The following CLEC4C variants were observed in gnomAD, a reference collection of about 807,000 sequenced individuals.
CLEC4C encodes the protein C-type (calcium dependent, carbohydrate-recognition domain) lectin, superfamily member 11.
Under a neutral mutation model 27.7 loss-of-function variants are expected in CLEC4C, and 17 were observed. The observed-to-expected ratio is 0.61, with a 90% CI of 0.42 to 0.92. CLEC4C has a LOEUF of 0.92. Ranked by LOEUF, CLEC4C falls within the 40% of genes least tolerant of loss-of-function variation. The pLI is 0.00. For synonymous variants in CLEC4C, 80 were observed against 80.8 expected, an observed-to-expected ratio of 0.99 and a Z score of 0.06; for missense variants, 244 against 257.3, an observed-to-expected ratio of 0.95 and a Z score of 0.35.
chr12:7,748,124 G>C (rs1212111616), upstream of CLEC4C, among the ~76,000 whole-genome samples: 1 of 152,078 alleles, frequency 6.6e-6, no homozygotes, highest in Non-Finnish European at 1.5e-5. Context: ...GGAGATGTTT[G>C]GTTGAAGGAT....
Position 7,729,473 on chromosome 12 carries a change from C to T in CLEC4C, c.*123G>A, listed in dbSNP as rs184530419. ...ATTATATCATAAGTGTAATAGGTGA[C>T]AGCCTGCTGAAACATTTTAGGGGCA... On this transcript the variant is annotated 3_prime_UTR_variant, in exon 6 of 6. Transcript: ENST00000360345. 302 of 768,912 alleles carry T rather than the reference C, an allele frequency of 3.9e-4. 1 individual carries two copies. The African/African-American group carries it at 5.0e-3, about 13-fold the overall frequency. The allele number at this position is 768,912 out of a possible 1,614,324, so 47.6% of individuals were successfully genotyped here. A position where few individuals can be genotyped will look rare whatever the true frequency, so the allele number is the denominator to read the frequency against.
chr12:7,730,737 G>C, intron 5 of CLEC4C, 60 bp downstream of exon 5: 3 of 811,974 alleles, frequency 3.7e-6, no homozygotes, highest in Non-Finnish European at 4.2e-6. Context: ...ATAGCTGATG[G>C]AACACCCTAA....
chr12:7,748,888 A>G (rs1297371635), upstream of CLEC4C, among the ~76,000 whole-genome samples: 3 of 152,266 alleles, frequency 2.0e-5, no homozygotes, highest in Non-Finnish European at 4.4e-5. Flanking sequence ...ATGTAGGCCC[A>G]GCTCAGGTGA....
At chr12:7,735,813 A>G (rs1592091731) in intron 4 of CLEC4C, among the ~76,000 whole-genome samples, 1 of 152,264 alleles carries the variant, frequency 6.6e-6, no homozygotes, top group Non-Finnish European at 1.5e-5. Context: ...AAAAAAAGAA[A>G]AAAAAAGCAA....
intron 2 of CLEC4C, among the ~76,000 whole-genome samples, chr12:7,743,334 G>A (rs7134202): frequency 0.066 from 9,974 of 151,774 alleles, 439 homozygotes; most frequent in Non-Finnish European, 0.098. Flanking sequence ...TTCACTGGCA[G>A]GCACATAGAG....
chr12:7,746,407 C>A lies in CLEC4C; in HGVS notation c.48G>T (p.Trp16Cys). Residue 16 changes from tryptophan (W) to cysteine (C), a missense_variant, in exon 2 of 6, where the codon TGG becomes TGT. Coordinates refer to ENST00000360345, the MANE Select transcript of CLEC4C (RefSeq NM_001371390.1). Reference sequence around the variant, plus strand: ...CCATGGACCAGACCTTCAACTGGAACCACCAGAGTCCTTTCTCTGTCAGAT... The same window carrying A: ...CCATGGACCAGACCTTCAACTGGAAACACCAGAGTCCTTTCTCTGTCAGAT... Reference protein sequence around the residue: ...EPQDREKGLWWFQLKVWSMAV... With the variant: ...EPQDREKGLWCFQLKVWSMAV... 1 of 1,612,322 alleles carries A rather than the reference C, an allele frequency of 6.2e-7. No individual in the cohort carries two copies.
rs768997414 is a variant in CLEC4C at position 7,746,011 on chromosome 12, C to T, written c.124+320G>A. ...TGGGCGGATCACGAGGTCAGGAGAT[C>T]GAAACCACCCTGGCTAACACAGTGA... On this transcript the variant is annotated intron_variant, in intron 2 of 5. Coordinates refer to ENST00000360345, the MANE Select transcript of CLEC4C (RefSeq NM_001371390.1). Among the ~76,000 whole-genome samples, 19 of 151,526 alleles carry T rather than the reference C, an allele frequency of 1.3e-4. No homozygotes were observed. The South Asian group carries it at 2.9e-3, about 23-fold the overall frequency.
chr12:7,748,683 C>A (rs1321981388), upstream of CLEC4C, among the ~76,000 whole-genome samples: 6 of 152,178 alleles, frequency 3.9e-5, no homozygotes, highest in Non-Finnish European at 7.3e-5. Context: ...CCTCCCTCTG[C>A]CCCTGCCTCA....
At chr12:7,737,842 C>G (rs997236929) in intron 3 of CLEC4C, among the ~76,000 whole-genome samples, 4 of 152,046 alleles carry the variant, frequency 2.6e-5, no homozygotes, top group Non-Finnish European at 5.9e-5. Flanking sequence ...CTTAACTCTG[C>G]TACTGCAGTA....
rs1429594274 is a variant in CLEC4C at position 7,730,927 on chromosome 12, TG to T, written c.382-16del. ...ATGATGAAATCCTGAGGGAAGAAAA[TG>T]GAAGAGTCATAGCTGATAGAGCAGG... On this transcript the variant is annotated splice_polypyrimidine_tract_variant and intron_variant, in intron 4 of 5. Transcript: ENST00000360345. 7.4e-7 allele frequency: 1 copy of T among 1,353,546 alleles called. No individual in the cohort carries two copies. The highest frequency in any genetic ancestry group is 1.4e-5 in the African/African-American group (1 of 69,904). 83.8% of individuals were successfully genotyped at this position (1,353,546 alleles called of 1,614,324 possible).
chr12:7,746,531 C>A, intron 1 of CLEC4C, 108 bp from the exon 2 acceptor site: 3 of 649,564 alleles, frequency 4.6e-6, no homozygotes, highest in East Asian at 2.8e-5. Flanking sequence ...ATGATCAAAA[C>A]TAATTAAAAC....
At chr12:7,741,248 G>A (rs1279743963) in intron 3 of CLEC4C, among the ~76,000 whole-genome samples, 173 bp downstream of exon 3, 1 of 152,168 alleles carries the variant, frequency 6.6e-6, no homozygotes, top group Non-Finnish European at 1.5e-5. Context: ...TTACAGGTGT[G>A]AGCCATTGGG....
At chr12:7,744,316 G>A (rs750757365) in intron 2 of CLEC4C, among the ~76,000 whole-genome samples, 6 of 152,160 alleles carry the variant, frequency 3.9e-5, no homozygotes, top group Non-Finnish European at 8.8e-5. Flanking sequence ...TCTGCCTCTT[G>A]GGGTTACATT....
intron 4 of CLEC4C, among the ~76,000 whole-genome samples, chr12:7,733,614 TG>T (rs1484589297): frequency 6.6e-6 from 1 of 150,604 alleles, no homozygotes; most frequent in Non-Finnish European, 1.5e-5. Context: ...CCCGAGTAGC[TG>T]GAACTACAGG....
At chr12:7,731,070 C>G (rs892348210) in intron 4 of CLEC4C, among the ~76,000 whole-genome samples, 158 bp from the exon 5 acceptor site, 4 of 151,340 alleles carry the variant, frequency 2.6e-5, no homozygotes, top group African/African-American at 9.7e-5. Context: ...GAGCAGACAG[C>G]AAAACACAGA....
At chr12:7,743,831 C>T (rs10845818) in intron 2 of CLEC4C, among the ~76,000 whole-genome samples, 97,469 of 151,980 alleles carry the variant, frequency 0.64, 31,846 homozygotes, top group East Asian at 0.77. Context: ...TAAAGGAATA[C>T]CTGAGACTTG....
In CLEC4C at chr12:7,731,261, A is replaced by G. The variant is rs142781884; in HGVS notation, c.382-349T>C. On this transcript the variant is annotated intron_variant, in intron 4 of 5. Transcript: ENST00000360345. ...TGGGGGGATATGCCTGCAGCTGCAC[A>G]AAGATGTATGGGAACAGACATACAA... Among the ~76,000 whole-genome samples, 274 of 152,238 alleles carry G rather than the reference A, an allele frequency of 1.8e-3. 2 individuals are homozygous for G. Among genetic ancestry groups the G allele is most frequent in the Middle Eastern group, 6.8e-3 (2 of 294 alleles).
chr12:7,742,630 G>T (rs1555105771), intron 2 of CLEC4C, among the ~76,000 whole-genome samples: 1 of 151,640 alleles, frequency 6.6e-6, no homozygotes, highest in South Asian at 2.1e-4. Context: ...CCGACATGGT[G>T]AAACCCCATC....
intron 2 of CLEC4C, among the ~76,000 whole-genome samples, chr12:7,745,903 G>A (rs1472913276): frequency 6.6e-6 from 1 of 151,850 alleles, no homozygotes; most frequent in Non-Finnish European, 1.5e-5. Flanking sequence ...CTCAGTTAGG[G>A]TTGCCATTTT....
Sources: gnomAD v4.1 joint callset for allele counts (sites outside exome capture counted in the v4.1 genomes callset) on GRCh38, gnomAD v4.1.1 for gene constraint, MANE v1.5 for transcripts, NCBI Gene and HGNC (gene_info 2026-07-23, HGNC 2026-07-21) for gene names.